The following NBPF9 variants were observed in gnomAD, a reference collection of about 807,000 sequenced individuals.
NBPF9 encodes NBPF family member NBPF9.
In NBPF9, 91 loss-of-function variants were observed where a neutral mutation model predicts 97.8. The ratio of observed to expected loss-of-function variants is 0.93; its 90% CI spans 0.79 to 1.11. NBPF9 has a LOEUF of 1.11. NBPF9 is among the 50% of genes least tolerant of loss of function. The probability of loss-of-function intolerance (pLI) is 0.00; values close to 1 mark genes in which losing one functional copy is unlikely to be tolerated. For synonymous variants in NBPF9, 334 were observed against 359.5 expected (o/e 0.93, Z 0.80); for missense variants, 992 against 939.5 (o/e 1.06, Z -0.73).
chr1:149,088,782 G>T (rs1231287863), intron 5 of NBPF9, among the ~76,000 whole-genome samples: 1 of 152,066 alleles, frequency 6.6e-6, no homozygotes, highest in Non-Finnish European at 1.5e-5. Flanking sequence ...ACTTTGGGAG[G>T]CTGAGGCAGG....
At chr1:149,093,368 T>C (rs1417053801) in intron 4 of NBPF9, among the ~76,000 whole-genome samples, 1 of 151,926 alleles carries the variant, frequency 6.6e-6, no homozygotes, top group Non-Finnish European at 1.5e-5. Context: ...GCCTTCCTCT[T>C]ATCTCAACTG....
At chr1:149,076,760 G>T (rs587714970) in intron 11 of NBPF9, among the ~76,000 whole-genome samples, 1 of 150,100 alleles carries the variant, frequency 6.7e-6, no homozygotes, top group East Asian at 2.0e-4. Flanking sequence ...CACCCACCTC[G>T]GCCTCCCAAA....
intron 19 of NBPF9, among the ~76,000 whole-genome samples, chr1:149,064,020 A>T (rs1156864178): frequency 8.6e-6 from 1 of 116,832 alleles, no homozygotes; most frequent in Non-Finnish European, 1.9e-5. Context: ...AGACACAGAC[A>T]CACACACACA....
Position 149,080,052 on chromosome 1 carries a change from C to A in NBPF9, c.278+1G>T. 1 of 1,573,770 alleles carries A rather than the reference C, an allele frequency of 6.4e-7. No individual in the cohort carries two copies. Among genetic ancestry groups the A allele is most frequent in the Non-Finnish European group, 8.7e-7 (1 of 1,150,182 alleles). ...TGCCTCCCCCCACGGGGTCCCCTCA[C>A]CTGAGCTCCTCAGCTTGCTTCAGCT... On this transcript the variant is annotated splice_donor_variant, in intron 8 of 29. Transcript: ENST00000584027. LOFTEE classifies it high-confidence loss of function.
At chr1:149,062,589 T>G (rs1357567255) in intron 21 of NBPF9, among the ~76,000 whole-genome samples, 5 of 134,418 alleles carry the variant, frequency 3.7e-5, no homozygotes, top group African/African-American at 1.1e-4. Flanking sequence ...ATGAAAAGAG[T>G]GGGCTCAATA....
intron 22 of NBPF9, 77 bp downstream of exon 22, chr1:149,062,016 G>T: frequency 1.4e-6 from 1 of 699,154 alleles, no homozygotes; most frequent in Non-Finnish European, 2.5e-6. Context: ...GGTCAGTAAG[G>T]GCCACTTGGA....
rs1169393851 is a variant in NBPF9 at position 149,080,757 on chromosome 1, G to A, written c.176-602C>T. Among the ~76,000 whole-genome samples the A allele has an allele frequency of 6.6e-4, 58 of 87,540 alleles. 12 individuals carry two copies. The highest frequency in any genetic ancestry group is 1.5e-3 in the African/African-American group (32 of 20,952). The allele number at this position is 87,540 out of a possible 152,430, so 57.4% of individuals were successfully genotyped here. A position where few individuals can be genotyped will look rare whatever the true frequency, so the allele number is the denominator to read the frequency against. ...AGAGGCAGCATTAAGATTTAGATTC[G>A]TTGTGTTAATTTAGAAACATCAGAA... On this transcript the variant is annotated intron_variant, in intron 7 of 29. Coordinates refer to ENST00000584027, the Ensembl canonical transcript of NBPF9.
chr1:149,070,904 G>C (rs781892990), intron 16 of NBPF9, 30 bp downstream of exon 16: 1 of 1,605,822 alleles, frequency 6.2e-7, no homozygotes, highest in African/African-American at 1.3e-5. Flanking sequence ...CCTAGAGAGA[G>C]GTATGAGACA....
intron 20 of NBPF9, 138 bp from the exon 21 acceptor site, chr1:149,063,051 G>A (rs1247436093): frequency 7.1e-6 from 4 of 562,894 alleles, no homozygotes; most frequent in South Asian, 2.0e-5. Flanking sequence ...TTCTTCAGGA[G>A]GCCTGAAGGC....
In NBPF9 at chr1:149,081,920, G is replaced by A. The variant is rs1553656844; in HGVS notation, c.175+45C>T. On this transcript the variant is annotated intron_variant, in intron 7 of 29. Transcript: ENST00000584027. ...CATTTAGTGTCTCAGAGAGAAGACAGGACATCATTCATCACTTTCATGACG... is the reference window on the plus strand; with the variant it reads ...CATTTAGTGTCTCAGAGAGAAGACAAGACATCATTCATCACTTTCATGACG... 6 of 1,306,332 alleles carry A rather than the reference G, an allele frequency of 4.6e-6. No homozygotes were observed. The Admixed American group carries it at 5.1e-5, about 11-fold the overall frequency. 80.9% of individuals were successfully genotyped at this position (1,306,332 alleles called of 1,614,324 possible). A position where few individuals can be genotyped will look rare whatever the true frequency, so the allele number is the denominator to read the frequency against.
chr1:149,055,843 T>G (rs781812137), exon 30 of NBPF9: 1 of 1,606,000 alleles, frequency 6.2e-7, no homozygotes, highest in African/African-American at 1.3e-5. Context: ...ATAACATCCA[T>G]CCAGTGAGTC....
chr1:149,076,653 C>T (rs1294261402), intron 11 of NBPF9, among the ~76,000 whole-genome samples: 1 of 148,982 alleles, frequency 6.7e-6, no homozygotes, highest in Non-Finnish European at 1.5e-5. Flanking sequence ...CAGGCGCCCA[C>T]CACCACGCCC....
At chr1:149,071,023 T>C (rs2079364558) in exon 16 of NBPF9, 2 of 1,611,806 alleles carry the variant, frequency 1.2e-6, no homozygotes, top group Middle Eastern at 2.1e-4. Context: ...AAATGTGATT[T>C]TGGTTTTCCT....
At chr1:149,068,483 T>A (rs1293829629) in intron 17 of NBPF9, among the ~76,000 whole-genome samples, 14 of 149,094 alleles carry the variant, frequency 9.4e-5, no homozygotes, top group Admixed American at 3.3e-4. Flanking sequence ...AATCCTAGTC[T>A]CTGATAAAAC....
intron 14 of NBPF9, 27 bp downstream of exon 14, chr1:149,072,691 G>C (rs782570651): frequency 1.2e-6 from 2 of 1,611,264 alleles, no homozygotes; most frequent in Admixed American, 3.3e-5. Context: ...TGGGGTTTTG[G>C]GTCAACAGGG....
At chr1:149,076,837 T>A (rs2079916499) in intron 11 of NBPF9, among the ~76,000 whole-genome samples, 2 of 151,438 alleles carry the variant, frequency 1.3e-5, no homozygotes, top group South Asian at 2.1e-4. Flanking sequence ...GACAAGCCAA[T>A]GAAAAGGAGA....
rs587624581 is a variant in NBPF9, at chr1:149,084,169, G to T, written c.-194-1739C>A. On this transcript the variant is annotated intron_variant, in intron 5 of 29. Transcript: ENST00000584027. ...GCCTGTCATGGGGTGAGGGCTGGGGGAGGGATAGCATTAGGAGAAATACCT... is the reference window on the plus strand; with the variant it reads ...GCCTGTCATGGGGTGAGGGCTGGGGTAGGGATAGCATTAGGAGAAATACCT... Among the ~76,000 whole-genome samples the T allele has an allele frequency of 8.7e-5, 13 of 148,642 alleles. No homozygotes were observed. The South Asian group carries it at 2.6e-3, about 29-fold the overall frequency.
At chr1:149,070,340 A>T (rs1417180479) in intron 16 of NBPF9, among the ~76,000 whole-genome samples, 2 of 146,530 alleles carry the variant, frequency 1.4e-5, no homozygotes, top group Non-Finnish European at 3.0e-5. Flanking sequence ...AAAAAAAAAA[A>T]AAAAATCCAC....
chr1:149,100,826 T>A (rs2082098133), intron 3 of NBPF9, among the ~76,000 whole-genome samples: 1 of 151,590 alleles, frequency 6.6e-6, no homozygotes, highest in Non-Finnish European at 1.5e-5. Flanking sequence ...TCGCAGCTAC[T>A]CAGGAGGCTG....
Sources: allele counts gnomAD v4.1 joint callset (sites outside exome capture counted in the v4.1 genomes callset), GRCh38; gene constraint gnomAD v4.1.1; transcripts MANE v1.5; gene names NCBI Gene and HGNC (gene_info 2026-07-23, HGNC 2026-07-21).